RPS6KC1: variants seen among roughly 807,000 people sequenced by gnomAD.
RPS6KC1 encodes the protein inactive ribosomal protein S6 kinase delta-1.
Under a neutral mutation model 103.8 loss-of-function variants are expected in RPS6KC1, and 54 were observed. That is an observed-to-expected ratio of 0.52 (90% CI 0.42 to 0.65). The LOEUF is 0.65. Ranked by LOEUF, RPS6KC1 falls within the 30% of genes least tolerant of loss-of-function variation. The pLI is 0.00. For missense variants in RPS6KC1, 1,151 were observed against 1,253.8 expected (o/e 0.92, Z 1.24); for synonymous variants, 439 against 438.7 (o/e 1.00, Z -0.01).
chr1:213,793,342 C>T, the RPS6KC1 span, among the ~76,000 whole-genome samples: 1 of 152,338 alleles, frequency 6.6e-6, no homozygotes, highest in African/African-American at 2.4e-5. Context: ...ATTTCTTTCT[C>T]CTTTTCCAAA....
chr1:213,803,427 A>G, the RPS6KC1 span, among the ~76,000 whole-genome samples: 2 of 151,818 alleles, frequency 1.3e-5, no homozygotes, highest in African/African-American at 4.8e-5. Flanking sequence ...TTGTATTTTT[A>G]GTAGAGATGG....
chr1:213,774,642 CAT>C, the RPS6KC1 span, among the ~76,000 whole-genome samples: 195 of 152,296 alleles, frequency 1.3e-3, 2 homozygotes, highest in Non-Finnish European at 2.5e-3. Context: ...ATTAAAAAGA[CAT>C]GTGCAGTTAA....
At chr1:213,793,066 CA>C in the RPS6KC1 span, among the ~76,000 whole-genome samples, 1 of 152,266 alleles carries the variant, frequency 6.6e-6, no homozygotes, top group Non-Finnish European at 1.5e-5. Flanking sequence ...CCAGGACCCC[CA>C]GTCTCCATAT....
chr1:213,147,318 A>G (rs2087993617), intron 6 of RPS6KC1, among the ~76,000 whole-genome samples: 1 of 152,162 alleles, frequency 6.6e-6, no homozygotes, highest in South Asian at 2.1e-4. Context: ...TAGTGGTTTT[A>G]TAGTTTGAGT....
At chr1:213,373,686 G>T in the RPS6KC1 span, among the ~76,000 whole-genome samples, 1 of 152,066 alleles carries the variant, frequency 6.6e-6, no homozygotes, top group Non-Finnish European at 1.5e-5. Flanking sequence ...ATATCCTATT[G>T]CTTATAAAAG....
chr1:213,428,566 C>G, the RPS6KC1 span: 1 of 129,820 alleles, frequency 7.7e-6, no homozygotes, highest in African/African-American at 2.9e-5. Context: ...CTCGCTCGCT[C>G]TTTATCTCCC....
the RPS6KC1 span, among the ~76,000 whole-genome samples, chr1:213,459,855 A>T: frequency 1.3e-5 from 2 of 152,206 alleles, no homozygotes; most frequent in South Asian, 4.1e-4. Flanking sequence ...ACCAGTAGTC[A>T]TTCAGGAGCA....
At chr1:213,524,879 G>A in the RPS6KC1 span, among the ~76,000 whole-genome samples, 1 of 152,206 alleles carries the variant, frequency 6.6e-6, no homozygotes, top group African/African-American at 2.4e-5. Context: ...CCCACTTTGA[G>A]CCTCTCACAA....
the RPS6KC1 span, among the ~76,000 whole-genome samples, chr1:213,693,269 C>T: frequency 6.6e-6 from 1 of 152,162 alleles, no homozygotes; most frequent in Non-Finnish European, 1.5e-5. Context: ...TTCTGACTGA[C>T]TCATATTCAT....
At chr1:213,415,270 T>C in the RPS6KC1 span, among the ~76,000 whole-genome samples, 3 of 152,252 alleles carry the variant, frequency 2.0e-5, no homozygotes, top group Non-Finnish European at 4.4e-5. Context: ...ATCATATTAT[T>C]ACCAATGATC....
At chr1:213,775,738 T>G in the RPS6KC1 span, among the ~76,000 whole-genome samples, 1 of 152,174 alleles carries the variant, frequency 6.6e-6, no homozygotes, top group South Asian at 2.1e-4. Flanking sequence ...TTTGCTGCAT[T>G]GAATGACTCT....
At chr1:213,161,648 G>A (rs907907092) in intron 6 of RPS6KC1, among the ~76,000 whole-genome samples, 1 of 152,164 alleles carries the variant, frequency 6.6e-6, no homozygotes, top group Non-Finnish European at 1.5e-5. Context: ...TAAATATGGA[G>A]ATATATCTGT....
the RPS6KC1 span, among the ~76,000 whole-genome samples, chr1:213,681,587 G>A: frequency 6.6e-6 from 1 of 152,138 alleles, no homozygotes; most frequent in Admixed American, 6.5e-5. Context: ...ACTTGAGCCT[G>A]GGAGTTCAAG....
chr1:213,249,597 A>G (rs1330677494), intron 12 of RPS6KC1, among the ~76,000 whole-genome samples: 1 of 152,174 alleles, frequency 6.6e-6, no homozygotes, highest in African/African-American at 2.4e-5. Flanking sequence ...TTTCTCATCA[A>G]TCAACTGTAA....
the RPS6KC1 span, among the ~76,000 whole-genome samples, chr1:213,487,228 C>A: frequency 6.6e-6 from 1 of 152,232 alleles, no homozygotes; most frequent in African/African-American, 2.4e-5. Context: ...CATGGCGAAT[C>A]CCTGTCTCTA....
the RPS6KC1 span, among the ~76,000 whole-genome samples, chr1:213,294,316 C>G: frequency 6.6e-6 from 1 of 152,186 alleles, no homozygotes; most frequent in Non-Finnish European, 1.5e-5. Flanking sequence ...CAAGGGGTCA[C>G]AGCAGAACAT....
At chr1:213,784,902 C>A in the RPS6KC1 span, among the ~76,000 whole-genome samples, 1 of 152,138 alleles carries the variant, frequency 6.6e-6, no homozygotes, top group African/African-American at 2.4e-5. Flanking sequence ...CTTCCCTAGC[C>A]CCTTAGGGCC....
chr1:213,315,175 A>G, the RPS6KC1 span, among the ~76,000 whole-genome samples: 1 of 152,250 alleles, frequency 6.6e-6, no homozygotes, highest in Non-Finnish European at 1.5e-5. Context: ...TTTTCCAACA[A>G]CAACAACAAA....
intron 6 of RPS6KC1, among the ~76,000 whole-genome samples, chr1:213,156,473 G>T (rs1245325050): frequency 6.6e-6 from 1 of 152,078 alleles, no homozygotes; most frequent in Admixed American, 6.6e-5. Flanking sequence ...AAAACAATTT[G>T]CAAGTCCAAA....
Sources: gnomAD v4.1 joint callset for allele counts (sites outside exome capture counted in the v4.1 genomes callset) on GRCh38, gnomAD v4.1.1 for gene constraint, MANE v1.5 for transcripts, NCBI Gene and HGNC (gene_info 2026-07-23, HGNC 2026-07-21) for gene names.